TPO: variants seen among roughly 807,000 people sequenced by gnomAD.
The protein encoded by TPO is thyroid peroxidase.
TPO carries 78 observed loss-of-function variants against 96.9 expected under a neutral mutation model. The observed-to-expected ratio is 0.81, with a 90% CI of 0.67 to 0.97. The LOEUF (loss-of-function observed/expected upper bound fraction) is 0.97, where lower values mean the gene tolerates loss of function less well. Among genes scored for constraint, TPO ranks in the 50% least tolerant of loss-of-function variants. The pLI is 0.00. For missense variants in TPO, 1,252 were observed against 1,274.8 expected (o/e 0.98, Z 0.27); for synonymous variants, 547 against 538.0 (o/e 1.02, Z -0.23).
intron 1 of TPO, among the ~76,000 whole-genome samples, chr2:1,397,074 C>T (rs1322461849): frequency 6.6e-6 from 1 of 152,114 alleles, no homozygotes; most frequent in African/African-American, 2.4e-5. Flanking sequence ...TTTTCGTCAT[C>T]TGAAAGGTGG....
At chr2:1,454,124 A>G (rs934495105) in intron 6 of TPO, among the ~76,000 whole-genome samples, 2 of 152,210 alleles carry the variant, frequency 1.3e-5, no homozygotes, top group African/African-American at 4.8e-5. Context: ...TCCTTTATCC[A>G]TCATGTGGGC....
intron 5 of TPO, among the ~76,000 whole-genome samples, chr2:1,447,279 A>G (rs1666915411): frequency 1.3e-5 from 2 of 152,356 alleles, no homozygotes; most frequent in Admixed American, 6.5e-5. Flanking sequence ...TGGTCTCCAC[A>G]ACCTGTGTCT....
intron 7 of TPO, among the ~76,000 whole-genome samples, chr2:1,460,235 C>T (rs574869774): frequency 2.0e-5 from 3 of 152,166 alleles, no homozygotes; most frequent in African/African-American, 7.2e-5. Flanking sequence ...TGTGCCTGGC[C>T]CTAGTGTTAT....
At position 1,415,788 on chromosome 2, in the gene TPO, G is replaced by A. The variant is rs1662897482; in HGVS notation, c.94+1286G>A. 2.6e-5 allele frequency among the ~76,000 whole-genome samples: 4 copies of A among 152,308 alleles called. No individual in the cohort carries two copies. The South Asian group carries it at 8.3e-4, about 32-fold the overall frequency. ...TCTGTCGTTCAGGGTCACAGAATCTGGAGTCCTCGCTGTTCCCAGCCACAC... is the reference window on the plus strand; with the variant it reads ...TCTGTCGTTCAGGGTCACAGAATCTAGAGTCCTCGCTGTTCCCAGCCACAC... On this transcript the variant is annotated intron_variant, in intron 2 of 16. Transcript: ENST00000329066.
At position 1,533,924 on chromosome 2, in the gene TPO, T is replaced by C. The variant is rs1424749172; in HGVS notation, c.2619-6670T>C. Among the ~76,000 whole-genome samples the C allele has an allele frequency of 1.8e-4, 13 of 72,470 alleles. 2 individuals carry two copies. The highest frequency in any genetic ancestry group is 6.7e-4 in the African/African-American group (13 of 19,516). 47.5% of individuals were successfully genotyped at this position (72,470 alleles called of 152,430 possible). Reference sequence around the variant, plus strand: ...AGATCTCCTTTCTGTGCAACCTCCATAAATCCAACCAAATGTATGCAACCT... The same window carrying C: ...AGATCTCCTTTCTGTGCAACCTCCACAAATCCAACCAAATGTATGCAACCT... On this transcript the variant is annotated intron_variant, in intron 15 of 16. Coordinates refer to ENST00000329066, the MANE Select transcript of TPO (RefSeq NM_001206744.2).
chr2:1,418,074 G>A (rs1201877750), intron 2 of TPO, among the ~76,000 whole-genome samples: 1 of 152,226 alleles, frequency 6.6e-6, no homozygotes, highest in East Asian at 1.9e-4. Context: ...CTTGAGGCTA[G>A]GAGTTCAAGA....
intron 1 of TPO, among the ~76,000 whole-genome samples, chr2:1,405,748 AGGAAGAACATCT>A (rs1662241426): frequency 4.0e-5 from 6 of 151,832 alleles, no homozygotes; most frequent in African/African-American, 1.5e-4. Flanking sequence ...TTACAAAGTT[AGGAAGAACATCT>A]TATTCATGTT....
chr2:1,462,566 C>T (rs1451220921), intron 7 of TPO, among the ~76,000 whole-genome samples: 1 of 146,044 alleles, frequency 6.8e-6, no homozygotes, highest in Non-Finnish European at 1.5e-5. Flanking sequence ...GATAAATGAA[C>T]AGCAAGATGC....
At chr2:1,487,494 G>A (rs541824318) in intron 9 of TPO, among the ~76,000 whole-genome samples, 1 of 152,326 alleles carries the variant, frequency 6.6e-6, no homozygotes, top group African/African-American at 2.4e-5. Flanking sequence ...CAGCACTTTG[G>A]GAGGCCGAGG....
In TPO at chr2:1,477,544, G is replaced by T. The variant is rs1471636719; in HGVS notation, c.1278G>T (p.Ala426=). Reference sequence around the variant, plus strand: ...CCGCGGCGCTCAAGGCCCTCAATGCGCACTGGAGCGCGGACGCCGTGTACC... The same window carrying T: ...CCGCGGCGCTCAAGGCCCTCAATGCTCACTGGAGCGCGGACGCCGTGTACC... The part of the protein sequence containing the change: ...RLAAALKALN[A]HWSADAVYQE... The change falls in exon 8 of 17, where the codon GCG becomes GCT. Residue 426 remains alanine, a synonymous_variant. Coordinates refer to ENST00000329066, the MANE Select transcript of TPO (RefSeq NM_001206744.2). 3 of 1,535,718 alleles carry T rather than the reference G, an allele frequency of 2.0e-6. No individual in the cohort carries two copies. Among genetic ancestry groups the T allele is most frequent in the Non-Finnish European group, 1.7e-6 (2 of 1,146,280 alleles).
intron 14 of TPO, among the ~76,000 whole-genome samples, chr2:1,516,031 A>G (rs1191364371): frequency 6.6e-6 from 1 of 152,176 alleles, no homozygotes; most frequent in Non-Finnish European, 1.5e-5. Context: ...TGGTCAAAGG[A>G]GCTCTGAGTT....
At chr2:1,501,226 C>T (rs1672842603) in intron 13 of TPO, among the ~76,000 whole-genome samples, 1 of 152,262 alleles carries the variant, frequency 6.6e-6, no homozygotes, top group South Asian at 2.1e-4. Context: ...CTGGACACCA[C>T]AGCCATCTGC....
At chr2:1,495,554 C>A (rs757006260) in intron 11 of TPO, among the ~76,000 whole-genome samples, 4 of 152,236 alleles carry the variant, frequency 2.6e-5, no homozygotes, top group Non-Finnish European at 4.4e-5. Context: ...CACAGCAATA[C>A]ACCCCAGATA....
chr2:1,531,196 C>T (rs1161918092), intron 15 of TPO, among the ~76,000 whole-genome samples: 6 of 123,462 alleles, frequency 4.9e-5, no homozygotes, highest in Non-Finnish European at 8.4e-5. Context: ...CCCAAATCCC[C>T]ACACTGTCTG....
chr2:1,420,379 C>T (rs996531274), intron 2 of TPO, among the ~76,000 whole-genome samples: 1 of 152,092 alleles, frequency 6.6e-6, no homozygotes, highest in East Asian at 1.9e-4. Context: ...TCGTGAATAG[C>T]GCAGAACTTT....
At chr2:1,480,994 G>A (rs1368987078) in intron 8 of TPO, among the ~76,000 whole-genome samples, 1 of 151,834 alleles carries the variant, frequency 6.6e-6, no homozygotes, top group African/African-American at 2.4e-5. Flanking sequence ...ATGTTTGGGA[G>A]GGATCTGCAG....
intron 9 of TPO, among the ~76,000 whole-genome samples, chr2:1,485,747 G>C (rs1352782320): frequency 6.6e-6 from 1 of 152,020 alleles, no homozygotes; most frequent in Non-Finnish European, 1.5e-5. Context: ...CTTTTTGATG[G>C]GGTTGTTTGT....
intron 14 of TPO, among the ~76,000 whole-genome samples, chr2:1,511,054 T>C (rs923410076): frequency 1.3e-5 from 2 of 152,232 alleles, no homozygotes; most frequent in Admixed American, 6.5e-5. Flanking sequence ...TAGATGTAGA[T>C]ACACATATAG....
chr2:1,420,220 A>G (rs1196796230), intron 2 of TPO, among the ~76,000 whole-genome samples: 1 of 152,242 alleles, frequency 6.6e-6, no homozygotes, highest in Non-Finnish European at 1.5e-5. Context: ...ATAACAATAT[A>G]TTAATATTGG....
Sources: gnomAD v4.1 joint callset for allele counts (sites outside exome capture counted in the v4.1 genomes callset) on GRCh38, gnomAD v4.1.1 for gene constraint, MANE v1.5 for transcripts, NCBI Gene and HGNC (gene_info 2026-07-23, HGNC 2026-07-21) for gene names.